Variants in SLC35D4 observed in about 807,000 individuals in gnomAD.
The protein encoded by SLC35D4 is solute carrier family 35 member D4, also known as UDP-N-acetylglucosamine transporter SLC35D4.
chr18:23,351,766 C>G, the SLC35D4 span, among the ~76,000 whole-genome samples: 1 of 152,186 alleles, frequency 6.6e-6, no homozygotes. Context: ...GTTCCCCCAC[C>G]ACTTTATCTT....
chr18:23,332,063 AT>A, the SLC35D4 span, among the ~76,000 whole-genome samples: 16 of 147,596 alleles, frequency 1.1e-4, no homozygotes, highest in East Asian at 4.0e-4. Flanking sequence ...TTTAAAAAGA[AT>A]TTTTTTTTTT....
chr18:23,428,742 C>T, the SLC35D4 span, among the ~76,000 whole-genome samples: 2 of 151,300 alleles, frequency 1.3e-5, no homozygotes, highest in Non-Finnish European at 1.5e-5. Flanking sequence ...TACACAGGTA[C>T]ATTGCGTGAT....
At chr18:23,360,381 G>A in the SLC35D4 span, among the ~76,000 whole-genome samples, 3 of 152,188 alleles carry the variant, frequency 2.0e-5, no homozygotes. Flanking sequence ...AACAGCCCAG[G>A]TGAGCATCAA....
At chr18:23,387,354 C>T in the SLC35D4 span, among the ~76,000 whole-genome samples, 3 of 152,188 alleles carry the variant, frequency 2.0e-5, no homozygotes, top group Admixed American at 6.5e-5. Flanking sequence ...TTTGTTTCCT[C>T]CCCTGTAAAG....
the SLC35D4 span, among the ~76,000 whole-genome samples, chr18:23,339,972 C>G: frequency 6.6e-6 from 1 of 152,158 alleles, no homozygotes; most frequent in Non-Finnish European, 1.5e-5. Context: ...AAAGGGGTTC[C>G]GCGAATAGTG....
chr18:23,315,790 G>A, the SLC35D4 span, among the ~76,000 whole-genome samples: 1 of 152,178 alleles, frequency 6.6e-6, no homozygotes, highest in African/African-American at 2.4e-5. Context: ...TGCCAGGGAC[G>A]ATTCTAATTG....
At chr18:23,313,802 A>G in the SLC35D4 span, among the ~76,000 whole-genome samples, 1 of 152,076 alleles carries the variant, frequency 6.6e-6, no homozygotes. Flanking sequence ...CCAACCACCC[A>G]AGGCCACACA....
At chr18:23,253,953 C>G in the SLC35D4 span, 2 of 1,610,324 alleles carry the variant, frequency 1.2e-6, no homozygotes. Context: ...AGCCTTTTTC[C>G]TGGTGGCTGG....
chr18:23,271,575 A>C, the SLC35D4 span, among the ~76,000 whole-genome samples: 17 of 152,274 alleles, frequency 1.1e-4, no homozygotes, highest in African/African-American at 3.9e-4. Context: ...TGAGTTATAG[A>C]CAGGCCTGTT....
At chr18:23,349,050 T>C in the SLC35D4 span, among the ~76,000 whole-genome samples, 1 of 152,256 alleles carries the variant, frequency 6.6e-6, no homozygotes, top group African/African-American at 2.4e-5. Flanking sequence ...AATTGCACTG[T>C]TGTTCCCCCA....
At chr18:23,322,163 C>A in the SLC35D4 span, among the ~76,000 whole-genome samples, 4 of 152,208 alleles carry the variant, frequency 2.6e-5, no homozygotes, top group Non-Finnish European at 4.4e-5. Context: ...AACCCAGACT[C>A]CACACAGTCT....
the SLC35D4 span, among the ~76,000 whole-genome samples, chr18:23,406,616 G>A: frequency 1.1e-4 from 17 of 152,180 alleles, no homozygotes; most frequent in Non-Finnish European, 2.1e-4. Flanking sequence ...CCCAAAGAAA[G>A]CCAGTGCCTA....
the SLC35D4 span, among the ~76,000 whole-genome samples, chr18:23,362,725 T>TC: frequency 6.6e-6 from 1 of 152,290 alleles, no homozygotes; most frequent in East Asian, 1.9e-4. Flanking sequence ...AACCCCAGTC[T>TC]CCCTCTGCTA....
the SLC35D4 span, among the ~76,000 whole-genome samples, chr18:23,246,585 G>GT: frequency 1.4e-3 from 211 of 151,908 alleles, no homozygotes; most frequent in Non-Finnish European, 2.4e-3. Flanking sequence ...TAGAGATGGG[G>GT]TTTCACCGTG....
the SLC35D4 span, among the ~76,000 whole-genome samples, chr18:23,386,286 G>A: frequency 6.6e-6 from 1 of 152,080 alleles, no homozygotes; most frequent in African/African-American, 2.4e-5. Context: ...CTGGATTATT[G>A]GGTGGGCCCT....
chr18:23,349,362 G>A, the SLC35D4 span, among the ~76,000 whole-genome samples: 4 of 152,206 alleles, frequency 2.6e-5, no homozygotes, highest in African/African-American at 9.7e-5. Flanking sequence ...GCCAGGCACG[G>A]GGGCTCACGC....
chr18:23,273,019 C>T, the SLC35D4 span, among the ~76,000 whole-genome samples: 1 of 152,220 alleles, frequency 6.6e-6, no homozygotes, highest in Admixed American at 6.5e-5. Context: ...TTCTCCATGA[C>T]ACCGGTGAGC....
At chr18:23,260,801 G>A in the SLC35D4 span, among the ~76,000 whole-genome samples, 1 of 151,322 alleles carries the variant, frequency 6.6e-6, no homozygotes. Flanking sequence ...GCAAGAGCAG[G>A]GAGTAAACTG....
the SLC35D4 span, among the ~76,000 whole-genome samples, chr18:23,363,565 G>A: frequency 5.6e-5 from 8 of 143,866 alleles, no homozygotes; most frequent in Middle Eastern, 3.5e-3. Flanking sequence ...TAGTAGAGAC[G>A]GGGTTTCACC....
Sources: allele counts gnomAD v4.1 joint callset (sites outside exome capture counted in the v4.1 genomes callset), GRCh38; gene constraint gnomAD v4.1.1; transcripts MANE v1.5; gene names NCBI Gene and HGNC (gene_info 2026-07-23, HGNC 2026-07-21).